Variants in WDR26 observed in about 807,000 individuals in gnomAD.
WDR26 encodes WD repeat-containing protein 26.
In WDR26, 5 loss-of-function variants were observed where a neutral mutation model predicts 84.1. The observed-to-expected ratio is 0.06, with a 90% CI of 0.03 to 0.13. The LOEUF is 0.13. WDR26 is among the 10% of genes least tolerant of loss of function. WDR26 has a pLI of 1.00. For missense variants in WDR26, 642 were observed against 974.9 expected (o/e 0.66, Z 4.55); for synonymous variants, 415 against 389.6 (o/e 1.07, Z -0.77).
At chr1:224,400,854 A>G in intron 9 of WDR26, 96 bp downstream of exon 9, 6 of 1,513,884 alleles carry the variant, frequency 4.0e-6, no homozygotes, top group Non-Finnish European at 5.3e-6. Flanking sequence ...CCCACAGAGT[A>G]TACTTTGTAA....
intron 13 of WDR26, among the ~76,000 whole-genome samples, chr1:224,392,620 GA>G (rs1673158759): frequency 6.6e-6 from 1 of 152,148 alleles, no homozygotes; most frequent in South Asian, 2.1e-4. Flanking sequence ...AGGAATGTTA[GA>G]ATGTCAGGTA....
At position 224,388,676 on chromosome 1, in the gene WDR26, CTA is replaced by C. The variant is rs1323355279; in HGVS notation, c.*1157_*1158del. The stretch of plus-strand genomic sequence containing the variant: ...TATTAAGGGCAATTAAGAAAAATGA[CTA>C]TGAGGTTTTAATCCCAGTTTAAGTA... On this transcript the variant is annotated 3_prime_UTR_variant, in exon 14 of 14. Transcript: ENST00000414423. The C allele has an allele frequency of 6.6e-6, 1 of 152,536 alleles. No homozygotes were observed. Among genetic ancestry groups the C allele is most frequent in the Non-Finnish European group, 1.5e-5 (1 of 68,022 alleles). 9.4% of individuals were successfully genotyped at this position (152,536 alleles called of 1,614,324 possible).
In WDR26 at chr1:224,394,005, C is replaced by T; in HGVS notation, c.2083G>A (p.Val695Ile). Reference sequence around the variant, plus strand: ...TCACTACGTTTGTGCCAGATGTAAACCTTGTGATCTGAACATATAGTAATT... The same window carrying T: ...TCACTACGTTTGTGCCAGATGTAAATCTTGTGATCTGAACATATAGTAATT... Residue 695 changes from valine to isoleucine, a missense_variant, in exon 13 of 14, where the codon GTT becomes ATT. Transcript: ENST00000414423. 6.6e-7 allele frequency: 1 copy of T among 1,509,330 alleles called. No individual in the cohort carries two copies. Among genetic ancestry groups the T allele is most frequent in the South Asian group, 1.3e-5 (1 of 77,084 alleles). The allele number at this position is 1,509,330 out of a possible 1,614,324, so 93.5% of individuals were successfully genotyped here. A position where few individuals can be genotyped will look rare whatever the true frequency, so the allele number is the denominator to read the frequency against.
rs1674521889 is a variant in WDR26 at position 224,434,132 on chromosome 1, C to T, written c.274G>A (p.Gly92Ser). 1 of 1,420,832 alleles carries T rather than the reference C, an allele frequency of 7.0e-7. No individual in the cohort carries two copies. Among genetic ancestry groups the T allele is most frequent in the Non-Finnish European group, 9.2e-7 (1 of 1,090,912 alleles). 88.0% of individuals were successfully genotyped at this position (1,420,832 alleles called of 1,614,324 possible). The change falls in exon 1 of 14, where the codon GGC becomes AGC. Residue 92 changes from glycine (G) to serine (S), a missense_variant. Transcript: ENST00000414423. ...ATGCTGCCGCTGACCAGGCTGTGGC[C>T]GCTACTTCGGTGGGGGACAGCAGCG...
At chr1:224,413,105 C>A (rs1673784136) in intron 6 of WDR26, 2 of 196,560 alleles carry the variant, frequency 1.0e-5, no homozygotes, top group South Asian at 1.8e-4. Flanking sequence ...AGGAGAATCG[C>A]TTGAATGTGG....
chr1:224,426,315 A>C (rs955059720), intron 3 of WDR26, among the ~76,000 whole-genome samples: 1 of 152,240 alleles, frequency 6.6e-6, no homozygotes, highest in African/African-American at 2.4e-5. Context: ...GTAAGCTTAT[A>C]AAAGTGGTTT....
intron 6 of WDR26, among the ~76,000 whole-genome samples, chr1:224,418,005 A>G (rs1673955593): frequency 6.6e-6 from 1 of 152,234 alleles, no homozygotes; most frequent in Non-Finnish European, 1.5e-5. Context: ...AAATTGTCAG[A>G]CACAGGAAAC....
At chr1:224,431,162 GTAACA>G (rs1246323694) in intron 3 of WDR26, 1 of 214,024 alleles carries the variant, frequency 4.7e-6, no homozygotes, top group African/African-American at 2.3e-5. Flanking sequence ...AGTATTTTAA[GTAACA>G]TAATAAAAGT....
chr1:224,424,414 T>C, intron 4 of WDR26, 104 bp downstream of exon 4: 1 of 1,450,918 alleles, frequency 6.9e-7, no homozygotes, highest in Non-Finnish European at 9.3e-7. Context: ...TAGACAAATA[T>C]CTAAGAATTT....
chr1:224,415,575 C>T (rs1429858416), intron 6 of WDR26, among the ~76,000 whole-genome samples: 2 of 150,888 alleles, frequency 1.3e-5, no homozygotes, highest in African/African-American at 4.9e-5. Context: ...ATTCTCCTGC[C>T]TCAGCCTCCT....
chr1:224,403,177 C>T (rs867764542), intron 8 of WDR26, among the ~76,000 whole-genome samples: 4 of 151,874 alleles, frequency 2.6e-5, no homozygotes, highest in South Asian at 2.1e-4. Flanking sequence ...CTCAGCCTCC[C>T]GAGTAGCTGG....
intron 6 of WDR26, among the ~76,000 whole-genome samples, chr1:224,417,154 G>A (rs1673928354): frequency 6.6e-6 from 1 of 152,178 alleles, no homozygotes. Context: ...TTATATCACA[G>A]TAGAGATATG....
At chr1:224,410,694 C>CTTTTTTTTTT (rs397983007) in intron 7 of WDR26, among the ~76,000 whole-genome samples, 35 of 118,900 alleles carry the variant, frequency 2.9e-4, no homozygotes, top group African/African-American at 5.9e-4. Context: ...ATCTTTCTTT[C>CTTTTTTTTTT]TTTTTTTTTT....
intron 7 of WDR26, among the ~76,000 whole-genome samples, chr1:224,406,679 T>C (rs1673576017): frequency 6.6e-6 from 1 of 152,172 alleles, no homozygotes; most frequent in Non-Finnish European, 1.5e-5. Flanking sequence ...ATCAGCAATA[T>C]CATTAGGTCA....
chr1:224,419,934 G>C (rs1402018946), intron 4 of WDR26, among the ~76,000 whole-genome samples: 2 of 151,976 alleles, frequency 1.3e-5, no homozygotes, highest in African/African-American at 2.4e-5. Context: ...AACCCTGTAA[G>C]CACTATTATT....
rs1190365474 is a variant in WDR26, at chr1:224,434,414, G to A, written c.-9C>T. ...TCGCCGAGAGAGGCCGTGGTGGGAA[G>A]CCGGTGGGGCGAGGCGGGGGAGGGG... On this transcript the variant is annotated 5_prime_UTR_variant, in exon 1 of 14. Transcript: ENST00000414423. The A allele has an allele frequency of 1.8e-6, 2 of 1,087,120 alleles. No individual in the cohort carries two copies. The highest frequency in any genetic ancestry group is 2.2e-6 in the Non-Finnish European group (2 of 897,894). The allele number at this position is 1,087,120 out of a possible 1,614,324, so 67.3% of individuals were successfully genotyped here.
At chr1:224,415,277 G>C (rs1050599335) in intron 6 of WDR26, among the ~76,000 whole-genome samples, 1 of 152,082 alleles carries the variant, frequency 6.6e-6, no homozygotes, top group African/African-American at 2.4e-5. Context: ...AGAGGGAAAG[G>C]AAGTTCTGTT....
rs1572227004 is a variant in WDR26, at chr1:224,433,910, C to G, written c.496G>C (p.Ala166Pro). ...AGGCTGTTGCTATTGTTGCTGGCGG[C>G]GGAGGGGGCGGAAGGCAGGAGCCCA... Residue 166 changes from alanine (A) to proline (P), a missense_variant, in exon 1 of 14, where the codon GCC (alanine) becomes CCC (proline). Physicochemically the swap from Ala to Pro is conservative, Grantham distance 27. This residue lies in a region of WDR26 where 291 missense variants were observed against 302.1 expected (regional missense o/e 0.96). Coordinates refer to ENST00000414423, the MANE Select transcript of WDR26 (RefSeq NM_001379403.1). 6.5e-7 allele frequency: 1 copy of G among 1,536,586 alleles called. No homozygotes were observed. Among genetic ancestry groups the G allele is most frequent in the Non-Finnish European group, 8.7e-7 (1 of 1,146,672 alleles).
Position 224,398,916 on chromosome 1 carries a change from T to A in WDR26, c.1838A>T (p.Asn613Ile). 6.2e-7 allele frequency: 1 copy of A among 1,613,894 alleles called. No homozygotes were observed. Among genetic ancestry groups the A allele is most frequent in the Non-Finnish European group, 8.5e-7 (1 of 1,179,942 alleles). Reference sequence around the variant, plus strand: ...GTTCCTATCTGTAAGGTCCTCGAAGTTATAGCCCCGAATTCGCTGGTGTGT... The same window carrying A: ...GTTCCTATCTGTAAGGTCCTCGAAGATATAGCCCCGAATTCGCTGGTGTGT... The change falls in exon 10 of 14, where the codon AAC becomes ATC. Residue 613 changes from asparagine (N) to isoleucine (I), a missense_variant. By Grantham distance (149) the Asn-to-Ile change is moderately radical (BLOSUM62 -3). Around this residue, in one of 2 missense-constraint regions of WDR26, gnomAD observed 351 missense variants for 672.8 expected, o/e 0.52. Transcript: ENST00000414423.
Sources: allele counts gnomAD v4.1 joint callset (sites outside exome capture counted in the v4.1 genomes callset), GRCh38; gene constraint gnomAD v4.1.1; regional missense constraint gnomAD v4.1.1; transcripts MANE v1.5; gene names NCBI Gene and HGNC (gene_info 2026-07-23, HGNC 2026-07-21).